The following LYN variants were observed in gnomAD, a reference collection of about 807,000 sequenced individuals.
The protein encoded by LYN is tyrosine-protein kinase Lyn.
Under a neutral mutation model 65.0 loss-of-function variants are expected in LYN, and 12 were observed. The ratio of observed to expected loss-of-function variants is 0.18; its 90% CI spans 0.12 to 0.30. The LOEUF is 0.30. Among genes scored for constraint, LYN ranks in the 10% least tolerant of loss-of-function variants. The pLI is 1.00. For missense variants in LYN, 380 were observed against 623.2 expected (o/e 0.61, Z 4.16); for synonymous variants, 222 against 221.2 (o/e 1.00, Z -0.03).
chr8:55,956,029 A>G lies in LYN; in HGVS notation c.790+2045A>G, dbSNP rs1563528065. On this transcript the variant is annotated intron_variant, in intron 8 of 12. Transcript: ENST00000519728. Reference sequence around the variant, plus strand: ...ACACATTTTCATTTCTCTTGTGTATAAACCTAGGAGTTCAGTTGCTGGGGC... The same window carrying G: ...ACACATTTTCATTTCTCTTGTGTATGAACCTAGGAGTTCAGTTGCTGGGGC... 2.0e-5 allele frequency among the ~76,000 whole-genome samples: 3 copies of G among 152,304 alleles called. No individual in the cohort carries two copies. In the East Asian group the frequency reaches 5.8e-4, roughly 29 times the overall value.
chr8:55,979,377 T>C (rs566886393), intron 10 of LYN, among the ~76,000 whole-genome samples: 2 of 152,284 alleles, frequency 1.3e-5, no homozygotes, highest in Admixed American at 6.5e-5. Flanking sequence ...TCTTCTGTGA[T>C]GGAATAAAAT....
intron 1 of LYN, among the ~76,000 whole-genome samples, chr8:55,938,511 C>T (rs1462423375): frequency 3.9e-5 from 6 of 152,324 alleles, no homozygotes; most frequent in African/African-American, 1.2e-4. Context: ...TGACTCATGA[C>T]GTCCCTGGCC....
chr8:55,900,539 ATTTT>A (rs5891598), intron 1 of LYN, among the ~76,000 whole-genome samples: 8 of 126,410 alleles, frequency 6.3e-5, no homozygotes, highest in Non-Finnish European at 5.0e-5. Flanking sequence ...TGCCCAGCTA[ATTTT>A]TTTTTTTTTT....
intron 3 of LYN, 63 bp from the exon 4 acceptor site, chr8:55,947,555 G>A: frequency 8.7e-7 from 1 of 1,151,572 alleles, no homozygotes; most frequent in Non-Finnish European, 1.3e-6. Context: ...TGTGCCCCAT[G>A]AGGTTTGTTA....
At chr8:55,998,014 G>A (rs956140295) in intron 10 of LYN, among the ~76,000 whole-genome samples, 1 of 152,152 alleles carries the variant, frequency 6.6e-6, no homozygotes, top group Admixed American at 6.5e-5. Flanking sequence ...AACCCAGGAG[G>A]TGGAGCTTGC....
chr8:55,929,470 C>T (rs1806199336), intron 1 of LYN, among the ~76,000 whole-genome samples: 1 of 152,188 alleles, frequency 6.6e-6, no homozygotes, highest in African/African-American at 2.4e-5. Flanking sequence ...ATGTCCTTTA[C>T]ATTTTATAAC....
intron 1 of LYN, among the ~76,000 whole-genome samples, chr8:55,935,871 A>G (rs1432059230): frequency 6.6e-6 from 1 of 151,622 alleles, no homozygotes; most frequent in Non-Finnish European, 1.5e-5. Context: ...GGTGGAGCTT[A>G]GTGCTAGTGC....
chr8:55,895,042 G>A (rs541813282), intron 1 of LYN, among the ~76,000 whole-genome samples: 45 of 152,124 alleles, frequency 3.0e-4, no homozygotes, highest in Non-Finnish European at 5.1e-4. Context: ...TTGAACTCCT[G>A]GTCTCAAGCG....
rs187228199 is a variant in LYN at position 55,932,627 on chromosome 8, G to A, written c.-5-9228G>A. Among the ~76,000 whole-genome samples, 341 of 152,236 alleles carry A rather than the reference G, an allele frequency of 2.2e-3. 1 individual carries two copies. The highest frequency in any genetic ancestry group is 7.8e-3 in the African/African-American group (324 of 41,546). ...GTAGAGACAGGGTTTCGCCATGTTGGCCAGGCTGGTCTCGAACTCCTAACC... is the reference window on the plus strand; with the variant it reads ...GTAGAGACAGGGTTTCGCCATGTTGACCAGGCTGGTCTCGAACTCCTAACC... On this transcript the variant is annotated intron_variant, in intron 1 of 12. Coordinates refer to ENST00000519728, the MANE Select transcript of LYN (RefSeq NM_002350.4).
chr8:55,995,103 G>C (rs1019976361), intron 10 of LYN, among the ~76,000 whole-genome samples: 2 of 152,122 alleles, frequency 1.3e-5, no homozygotes. Flanking sequence ...CACCAAAATT[G>C]CCACCCCGTG....
At chr8:55,975,328 A>C (rs1264076374) in intron 10 of LYN, among the ~76,000 whole-genome samples, 1 of 152,214 alleles carries the variant, frequency 6.6e-6, no homozygotes, top group East Asian at 1.9e-4. Context: ...TGAGCCAAGA[A>C]CCAGAAAACC....
intron 8 of LYN, among the ~76,000 whole-genome samples, chr8:55,962,245 C>T (rs940147262): frequency 1.3e-4 from 20 of 152,082 alleles, no homozygotes; most frequent in Admixed American, 1.0e-3. Context: ...TTGGGTGTGG[C>T]TACGGTTCAT....
Position 55,953,995 on chromosome 8 carries a change from G to A in LYN, c.790+11G>A, listed in dbSNP as rs749235356. 14 of 1,613,226 alleles carry A rather than the reference G, an allele frequency of 8.7e-6. No homozygotes were observed. The highest frequency in any genetic ancestry group is 1.7e-4 in the Middle Eastern group (1 of 5,770). ...GGGAAGTCTGGATGGGTAAGTGTGC[G>A]GCTCGGGGATCTATGTCCTTCTAGA... On this transcript the variant is annotated intron_variant, in intron 8 of 12. Transcript: ENST00000519728.
At chr8:55,925,737 C>A (rs2130441868) in intron 1 of LYN, among the ~76,000 whole-genome samples, 1 of 152,228 alleles carries the variant, frequency 6.6e-6, no homozygotes, top group East Asian at 1.9e-4. Context: ...TGGCCAGGTT[C>A]CTGAGGACAC....
intron 11 of LYN, among the ~76,000 whole-genome samples, chr8:55,998,912 T>C (rs1808444942): frequency 6.6e-6 from 1 of 152,238 alleles, no homozygotes; most frequent in South Asian, 2.1e-4. Context: ...ACATGAACAT[T>C]ACCATACACA....
intron 7 of LYN, 34 bp downstream of exon 7, chr8:55,952,149 T>C (rs1287632766): frequency 8.5e-6 from 13 of 1,538,350 alleles, no homozygotes; most frequent in Non-Finnish European, 9.6e-6. Flanking sequence ...CAAGACAAGA[T>C]ATATTTGTTA....
In LYN at chr8:56,011,078, G is replaced by A. The variant is rs1001025389; in HGVS notation, c.*968G>A. 4.3e-6 allele frequency: 1 copy of A among 230,938 alleles called. No homozygotes were observed. Among genetic ancestry groups the A allele is most frequent in the Non-Finnish European group, 8.6e-6 (1 of 116,750 alleles). The allele number at this position is 230,938 out of a possible 1,614,324, so 14.3% of individuals were successfully genotyped here. ...TGTTAAAGATCAAGTATTAATTTTA[G>A]TTGTACTCTAGAAAGCTAAAGTGCC... is the stretch of plus-strand genomic sequence containing the variant. On this transcript the variant is annotated 3_prime_UTR_variant, in exon 13 of 13. Coordinates refer to ENST00000519728, the MANE Select transcript of LYN (RefSeq NM_002350.4).
chr8:55,985,060 C>T (rs980396852), intron 10 of LYN, among the ~76,000 whole-genome samples: 1 of 152,160 alleles, frequency 6.6e-6, no homozygotes, highest in African/African-American at 2.4e-5. Context: ...AGTCGGGAAA[C>T]ACTGCCATTG....
chr8:56,008,849 C>T (rs1585689557), intron 12 of LYN, among the ~76,000 whole-genome samples: 2 of 152,174 alleles, frequency 1.3e-5, no homozygotes, highest in African/African-American at 4.8e-5. Flanking sequence ...AGTAGCTCCA[C>T]TTGAGACTAT....
Sources: gnomAD v4.1 joint callset for allele counts (sites outside exome capture counted in the v4.1 genomes callset) on GRCh38, gnomAD v4.1.1 for gene constraint, MANE v1.5 for transcripts, NCBI Gene and HGNC (gene_info 2026-07-23, HGNC 2026-07-21) for gene names.